The following GALNT13 variants were observed in gnomAD, a reference collection of about 807,000 sequenced individuals.
GALNT13 encodes the protein polypeptide N-acetylgalactosaminyltransferase 13.
A neutral mutation model predicts 64.2 loss-of-function variants in GALNT13; 28 were observed. The ratio of observed to expected loss-of-function variants is 0.44; its 90% confidence interval spans 0.32 to 0.60. The LOEUF (loss-of-function observed/expected upper bound fraction) is 0.60, where lower values mean the gene tolerates loss of function less well. GALNT13 is among the 20% of genes least tolerant of loss of function. The pLI is 0.05. For missense variants in GALNT13, 577 were observed against 669.8 expected (o/e 0.86, Z 1.53); for synonymous variants, 214 against 224.6 (o/e 0.95, Z 0.42).
At chr2:153,826,199 G>T in the GALNT13 span, among the ~76,000 whole-genome samples, 3 of 152,164 alleles carry the variant, frequency 2.0e-5, no homozygotes, top group African/African-American at 7.2e-5. Context: ...CCAAGGTGGT[G>T]CAGGGTATCA....
At chr2:153,726,796 C>T in the GALNT13 span, among the ~76,000 whole-genome samples, 3 of 151,746 alleles carry the variant, frequency 2.0e-5, no homozygotes, top group South Asian at 2.1e-4. Context: ...AAAAATTAGC[C>T]GGGTGTGGTG....
intron 3 of GALNT13, among the ~76,000 whole-genome samples, chr2:154,098,928 T>A (rs188824824): frequency 6.6e-6 from 1 of 151,592 alleles, no homozygotes. Context: ...TTCCTTTGGG[T>A]AGATACACAG....
chr2:153,430,754 A>T, the GALNT13 span, among the ~76,000 whole-genome samples: 4 of 152,058 alleles, frequency 2.6e-5, no homozygotes, highest in Non-Finnish European at 5.9e-5. Flanking sequence ...CTACTCATTT[A>T]AAATTTTATA....
the GALNT13 span, among the ~76,000 whole-genome samples, chr2:153,744,587 A>C: frequency 6.6e-6 from 1 of 152,148 alleles, no homozygotes; most frequent in East Asian, 1.9e-4. Context: ...GCTCCGTCTC[A>C]ATGTCCAAGT....
At chr2:153,176,538 AG>A in the GALNT13 span, among the ~76,000 whole-genome samples, 19,241 of 152,154 alleles carry the variant, frequency 0.13, 1,456 homozygotes, top group Non-Finnish European at 0.17. Flanking sequence ...TTGGCTTACC[AG>A]TAGACTGGAC....
the GALNT13 span, among the ~76,000 whole-genome samples, chr2:153,461,211 G>A: frequency 2.0e-5 from 3 of 152,160 alleles, no homozygotes; most frequent in East Asian, 3.9e-4. Context: ...GGGGAAAAAT[G>A]TAGTCAGTTT....
chr2:153,126,356 G>T, the GALNT13 span, among the ~76,000 whole-genome samples: 3 of 127,870 alleles, frequency 2.3e-5, no homozygotes, highest in African/African-American at 3.0e-5. Flanking sequence ...ATGATATTAA[G>T]GAAAATCCAC....
the GALNT13 span, among the ~76,000 whole-genome samples, chr2:153,135,963 A>G: frequency 6.6e-6 from 1 of 152,108 alleles, no homozygotes; most frequent in African/African-American, 2.4e-5. Context: ...ATTCAGGGGA[A>G]TATTTATCAG....
intron 4 of GALNT13, among the ~76,000 whole-genome samples, chr2:154,200,282 T>A (rs144927108): frequency 6.4e-4 from 97 of 152,216 alleles, no homozygotes; most frequent in African/African-American, 2.3e-3. Flanking sequence ...GAAAAGAATT[T>A]CAATAGAATT....
At chr2:153,940,019 G>A (rs777422389) in intron 2 of GALNT13, among the ~76,000 whole-genome samples, 4 of 151,896 alleles carry the variant, frequency 2.6e-5, no homozygotes, top group African/African-American at 4.8e-5. Flanking sequence ...GAATTTTAGC[G>A]TATCATCAAT....
chr2:153,281,326 T>A, the GALNT13 span, among the ~76,000 whole-genome samples: 1 of 152,136 alleles, frequency 6.6e-6, no homozygotes, highest in Non-Finnish European at 1.5e-5. Flanking sequence ...TTGCGTTTTT[T>A]TTTTTAATCC....
At chr2:153,863,361 A>G in the GALNT13 span, among the ~76,000 whole-genome samples, 2 of 152,120 alleles carry the variant, frequency 1.3e-5, no homozygotes, top group Non-Finnish European at 2.9e-5. Context: ...ATAAGTCATC[A>G]ATGCACAAAT....
intron 2 of GALNT13, among the ~76,000 whole-genome samples, chr2:153,901,412 C>T (rs535894566): frequency 9.9e-5 from 15 of 152,114 alleles, no homozygotes; most frequent in Non-Finnish European, 1.8e-4. Flanking sequence ...TTGCTTTGGA[C>T]GTCATGACCA....
At chr2:153,300,891 T>G in the GALNT13 span, among the ~76,000 whole-genome samples, 5 of 152,174 alleles carry the variant, frequency 3.3e-5, no homozygotes, top group African/African-American at 1.2e-4. Context: ...AAATAATCAA[T>G]CTTATGATAA....
the GALNT13 span, among the ~76,000 whole-genome samples, chr2:153,722,070 C>T: frequency 2.0e-5 from 3 of 149,914 alleles, no homozygotes; most frequent in African/African-American, 7.5e-5. Flanking sequence ...AAGCTCTCCT[C>T]AGAAAATGTA....
chr2:153,970,984 C>T (rs1574236249), intron 3 of GALNT13, among the ~76,000 whole-genome samples: 1 of 152,310 alleles, frequency 6.6e-6, no homozygotes, highest in Admixed American at 6.5e-5. Context: ...TACTCAAGTT[C>T]TGTGCCTTGA....
the GALNT13 span, among the ~76,000 whole-genome samples, chr2:153,326,416 C>T: frequency 2.1e-4 from 32 of 151,528 alleles, no homozygotes; most frequent in African/African-American, 6.8e-4. Flanking sequence ...ACACAACACA[C>T]GATGGTTCCT....
chr2:154,282,222 G>A lies in GALNT13; in HGVS notation c.976-19187G>A, dbSNP rs142525883. Among the ~76,000 whole-genome samples, 78 of 152,032 alleles carry A rather than the reference G, an allele frequency of 5.1e-4. 1 individual carries two copies. Among genetic ancestry groups the A allele is most frequent in the African/African-American group, 9.6e-4 (40 of 41,510 alleles). On this transcript the variant is annotated intron_variant, in intron 8 of 12. Transcript: ENST00000392825. ...CAAAAGTGCTCTTCCATTTTTTCTC[G>A]TTTTAAAACATCTGTGAGCTTTCTA...
chr2:153,296,136 C>T, the GALNT13 span, among the ~76,000 whole-genome samples: 2 of 152,072 alleles, frequency 1.3e-5, no homozygotes, highest in African/African-American at 4.8e-5. Context: ...GTCTGCTACA[C>T]AAAACTGAAC....
Sources: gnomAD v4.1 joint callset for allele counts (sites outside exome capture counted in the v4.1 genomes callset) on GRCh38, gnomAD v4.1.1 for gene constraint, MANE v1.5 for transcripts, NCBI Gene and HGNC (gene_info 2026-07-23, HGNC 2026-07-21) for gene names.